DCAF4: variants seen among roughly 807,000 people sequenced by gnomAD.
DCAF4 encodes DDB1- and CUL4-associated factor 4.
DCAF4 carries 37 observed loss-of-function variants against 60.9 expected under a neutral mutation model. That is an observed-to-expected ratio of 0.61 (90% CI 0.47 to 0.80). The LOEUF (loss-of-function observed/expected upper bound fraction) is 0.80, where lower values mean the gene tolerates loss of function less well. Among genes scored for constraint, DCAF4 ranks in the 30% least tolerant of loss-of-function variants. The probability of loss-of-function intolerance (pLI) is 0.00; values close to 1 mark genes in which losing one functional copy is unlikely to be tolerated. For synonymous variants in DCAF4, 243 were observed against 254.8 expected, an observed-to-expected ratio of 0.95 and a Z score of 0.44; for missense variants, 577 against 650.0, an observed-to-expected ratio of 0.89 and a Z score of 1.22.
At chr14:72,946,103 G>T in intron 7 of DCAF4, 76 bp downstream of exon 7, 1 of 1,551,628 alleles carries the variant, frequency 6.4e-7, no homozygotes. Flanking sequence ...GTAGAGGAGA[G>T]CAACTGGGGA....
At chr14:72,943,149 T>C in intron 6 of DCAF4, 53 bp downstream of exon 6, 1 of 1,545,834 alleles carries the variant, frequency 6.5e-7, no homozygotes, top group Non-Finnish European at 8.9e-7. Context: ...CTCTGGACAC[T>C]TTGTGGCTTA....
chr14:72,934,789 T>C (rs1042741024), intron 1 of DCAF4, among the ~76,000 whole-genome samples: 2 of 152,182 alleles, frequency 1.3e-5, no homozygotes, highest in African/African-American at 4.8e-5. Context: ...GTAGCACAGC[T>C]TATTATCTCT....
intron 9 of DCAF4, among the ~76,000 whole-genome samples, chr14:72,953,732 A>AAAAAAATATATATATATAT (rs1555527852): frequency 3.2e-4 from 7 of 21,776 alleles, no homozygotes; most frequent in South Asian, 2.5e-3. Context: ...AAAAAAAAAA[A>AAAAAAATATATATATATAT]ATATATATAT....
At chr14:72,958,226 T>A in intron 13 of DCAF4, 2 of 276,594 alleles carry the variant, frequency 7.2e-6, no homozygotes, top group South Asian at 7.6e-5. Context: ...TGAGCCCTGA[T>A]CACACCACTG....
chr14:72,944,008 TTGAC>T (rs925883595), intron 6 of DCAF4, among the ~76,000 whole-genome samples: 1 of 152,196 alleles, frequency 6.6e-6, no homozygotes, highest in African/African-American at 2.4e-5. Flanking sequence ...GGGGTATGGT[TTGAC>T]TGAATGAGTA....
intron 1 of DCAF4, among the ~76,000 whole-genome samples, chr14:72,932,680 T>C (rs1888722481): frequency 6.6e-6 from 1 of 152,098 alleles, no homozygotes; most frequent in South Asian, 2.1e-4. Context: ...TGTTTTCGAG[T>C]GCTTCCTACA....
chr14:72,941,529 G>T (rs1015418337), intron 4 of DCAF4, among the ~76,000 whole-genome samples: 1 of 152,066 alleles, frequency 6.6e-6, no homozygotes, highest in East Asian at 1.9e-4. Context: ...CAGAGTTGAC[G>T]AGCAGACTTT....
chr14:72,956,556 G>C, intron 13 of DCAF4, 56 bp downstream of exon 13: 2 of 1,518,446 alleles, frequency 1.3e-6, no homozygotes, highest in East Asian at 2.4e-5. Flanking sequence ...TCTCAGGGGC[G>C]ATCCCAGCAA....
chr14:72,957,604 TCA>T (rs1471677420), intron 13 of DCAF4: 4 of 152,232 alleles, frequency 2.6e-5, no homozygotes, highest in Admixed American at 6.5e-5. Context: ...CCTGTTTTTA[TCA>T]CAGAAGAGCT....
rs766375341 is a variant in DCAF4 at position 72,958,846 on chromosome 14, C to T, written c.*41C>T. On this transcript the variant is annotated 3_prime_UTR_variant, in exon 14 of 14. Transcript: ENST00000358377. ...CCCAGAGCCATGTGGATTTGACTTA[C>T]GGGAGTAAAGCGTAACTTTTTACTG... 30 of 1,514,504 alleles carry T rather than the reference C, an allele frequency of 2.0e-5. No individual in the cohort carries two copies. Among genetic ancestry groups the T allele is most frequent in the Admixed American group, 1.8e-4 (8 of 43,984 alleles). 93.8% of individuals were successfully genotyped at this position (1,514,504 alleles called of 1,614,324 possible). A position where few individuals can be genotyped will look rare whatever the true frequency, so the allele number is the denominator to read the frequency against.
chr14:72,930,954 C>T (rs1888492656), intron 1 of DCAF4, among the ~76,000 whole-genome samples: 3 of 152,166 alleles, frequency 2.0e-5, no homozygotes, highest in Admixed American at 2.0e-4. Flanking sequence ...CTCAATGCTA[C>T]TCCATTGATC....
intron 4 of DCAF4, among the ~76,000 whole-genome samples, chr14:72,941,166 A>G (rs1001001035): frequency 6.6e-5 from 10 of 151,960 alleles, no homozygotes; most frequent in African/African-American, 2.4e-4. Flanking sequence ...GAGTTTCACC[A>G]TGTTGGCCAG....
chr14:72,961,685 C>G (rs2140331604), downstream of DCAF4, among the ~76,000 whole-genome samples: 1 of 152,356 alleles, frequency 6.6e-6, no homozygotes, highest in Non-Finnish European at 1.5e-5. Flanking sequence ...CAGCCCTTGG[C>G]TTTTCAGCCC....
downstream of DCAF4, chr14:72,962,031 A>C: frequency 9.3e-7 from 1 of 1,079,582 alleles, no homozygotes; most frequent in Non-Finnish European, 1.1e-6. Context: ...CCTCAACCTG[A>C]ATTTCTAAGA....
At position 72,956,460 on chromosome 14, in the gene DCAF4, G is replaced by T; in HGVS notation, c.1254G>T (p.Leu418=). 6.2e-7 allele frequency: 1 copy of T among 1,613,580 alleles called. No individual in the cohort carries two copies. Among genetic ancestry groups the T allele is most frequent in the Non-Finnish European group, 8.5e-7 (1 of 1,179,776 alleles). ...YEGHVNEYAY[L]PLHVHEEEGI... is the part of the protein sequence containing the mutation. ...GCCACGTGAATGAGTACGCCTACCTGCCCCTGCATGTGCACGAGGAAGAAG... is the reference window on the plus strand; with the variant it reads ...GCCACGTGAATGAGTACGCCTACCTTCCCCTGCATGTGCACGAGGAAGAAG... The change falls in exon 13 of 14, where the codon CTG becomes CTT. Residue 418 remains leucine (L), a synonymous_variant. Coordinates refer to ENST00000358377, the MANE Select transcript of DCAF4 (RefSeq NM_015604.4).
chr14:72,955,707 A>C lies in DCAF4; in HGVS notation c.1179+11A>C. On this transcript the variant is annotated intron_variant, in intron 12 of 13. Coordinates refer to ENST00000358377, the MANE Select transcript of DCAF4 (RefSeq NM_015604.4). ...GACATGGCTGGAAAGGTAGGGGATCATGGACTTTCTCAGGCCACAGGGTCT... is the reference window on the plus strand; with the variant it reads ...GACATGGCTGGAAAGGTAGGGGATCCTGGACTTTCTCAGGCCACAGGGTCT... The C allele has an allele frequency of 6.2e-7, 1 of 1,609,420 alleles. No homozygotes were observed.
intron 6 of DCAF4, among the ~76,000 whole-genome samples, chr14:72,945,269 T>A (rs1433369376): frequency 6.6e-6 from 1 of 152,076 alleles, no homozygotes; most frequent in Non-Finnish European, 1.5e-5. Context: ...GGTTCATGCC[T>A]GTAGTCCTAG....
intron 1 of DCAF4, among the ~76,000 whole-genome samples, chr14:72,934,450 G>A (rs935566347): frequency 2.6e-5 from 4 of 151,658 alleles, no homozygotes; most frequent in Admixed American, 1.3e-4. Context: ...CACTGCACCC[G>A]GCCTAATTTT....
At chr14:72,945,631 C>A (rs1890637513) in intron 6 of DCAF4, among the ~76,000 whole-genome samples, 1 of 152,202 alleles carries the variant, frequency 6.6e-6, no homozygotes, top group Non-Finnish European at 1.5e-5. Context: ...CTCAGACTTT[C>A]TGGCCATGTC....
Sources: allele counts gnomAD v4.1 joint callset (sites outside exome capture counted in the v4.1 genomes callset), GRCh38; gene constraint gnomAD v4.1.1; transcripts MANE v1.5; gene names NCBI Gene and HGNC (gene_info 2026-07-23, HGNC 2026-07-21).